NIPSNAP1: variants seen among roughly 807,000 people sequenced by gnomAD.
NIPSNAP1 encodes the protein protein NipSnap homolog 1.
Under a neutral mutation model 49.2 loss-of-function variants are expected in NIPSNAP1, and 25 were observed. The observed-to-expected ratio is 0.51, with a 90% confidence interval of 0.37 to 0.71. The LOEUF (loss-of-function observed/expected upper bound fraction) is 0.71, where lower values mean the gene tolerates loss of function less well. NIPSNAP1 is among the 30% of genes least tolerant of loss of function. The pLI is 0.00. For missense variants in NIPSNAP1, 294 were observed against 361.0 expected, an observed-to-expected ratio of 0.81 and a Z score of 1.50; for synonymous variants, 143 against 140.7, an observed-to-expected ratio of 1.02 and a Z score of -0.12.
At chr22:29,559,538 AAG>A (rs1417765798) in intron 8 of NIPSNAP1, among the ~76,000 whole-genome samples, 9 of 151,568 alleles carry the variant, frequency 5.9e-5, no homozygotes. Context: ...CTGTGTCTCA[AAG>A]AAAAAAAAAA....
chr22:29,557,164 G>A (rs2064301434), intron 9 of NIPSNAP1, among the ~76,000 whole-genome samples: 1 of 151,726 alleles, frequency 6.6e-6, no homozygotes, highest in African/African-American at 2.4e-5. Flanking sequence ...TGTCTTCCAG[G>A]CTGGAGTGCA....
intron 1 of NIPSNAP1, chr22:29,580,100 T>G (rs942534682): frequency 7.7e-7 from 1 of 1,303,992 alleles, no homozygotes; most frequent in African/African-American, 1.5e-5. Flanking sequence ...TGGCCTCACT[T>G]CTTTGGTAAA....
At chr22:29,564,061 T>C (rs1290805962) in intron 4 of NIPSNAP1, among the ~76,000 whole-genome samples, 1 of 152,088 alleles carries the variant, frequency 6.6e-6, no homozygotes, top group Admixed American at 6.6e-5. Context: ...ACCTAATTAA[T>C]TGTGGAGGAG....
intron 8 of NIPSNAP1, among the ~76,000 whole-genome samples, chr22:29,559,468 C>T (rs969075422): frequency 7.2e-5 from 11 of 151,726 alleles, no homozygotes; most frequent in African/African-American, 2.2e-4. Context: ...ACTTGGGAAG[C>T]GGAGGTTGCA....
At chr22:29,573,226 G>T (rs931202116) in intron 1 of NIPSNAP1, among the ~76,000 whole-genome samples, 1 of 151,928 alleles carries the variant, frequency 6.6e-6, no homozygotes, top group Non-Finnish European at 1.5e-5. Context: ...TAGTAGAGAC[G>T]GGGTTTTACT....
chr22:29,578,451 C>T (rs537258937), intron 1 of NIPSNAP1, among the ~76,000 whole-genome samples: 2 of 151,264 alleles, frequency 1.3e-5, no homozygotes, highest in Non-Finnish European at 2.9e-5. Flanking sequence ...GGATTACAGG[C>T]GTGAGCAATG....
At chr22:29,578,715 C>T (rs941674154) in intron 1 of NIPSNAP1, among the ~76,000 whole-genome samples, 1 of 151,232 alleles carries the variant, frequency 6.6e-6, no homozygotes, top group Non-Finnish European at 1.5e-5. Flanking sequence ...TCATAGCAAT[C>T]CTGCCGAAAA....
At chr22:29,568,966 CA>C (rs2064387078) in intron 4 of NIPSNAP1, among the ~76,000 whole-genome samples, 4 of 152,110 alleles carry the variant, frequency 2.6e-5, no homozygotes, top group Admixed American at 2.6e-4. Flanking sequence ...GATTTGGTGC[CA>C]TGAGGCTGGG....
At chr22:29,572,097 G>A (rs1379783187) in intron 1 of NIPSNAP1, among the ~76,000 whole-genome samples, 1 of 152,086 alleles carries the variant, frequency 6.6e-6, no homozygotes, top group South Asian at 2.1e-4. Context: ...GAGGTCAGGA[G>A]TTCGAGACCA....
At chr22:29,571,395 A>C (rs1033319097) in intron 1 of NIPSNAP1, among the ~76,000 whole-genome samples, 2 of 152,236 alleles carry the variant, frequency 1.3e-5, no homozygotes, top group African/African-American at 4.8e-5. Context: ...GCCCATCTCC[A>C]TAGGATACTG....
chr22:29,571,323 T>G (rs1233610402), intron 1 of NIPSNAP1, among the ~76,000 whole-genome samples: 1 of 152,138 alleles, frequency 6.6e-6, no homozygotes. Flanking sequence ...GTTTGGCAGA[T>G]AGAGGGAGTA....
intron 1 of NIPSNAP1, among the ~76,000 whole-genome samples, chr22:29,578,563 C>T (rs1353855654): frequency 6.6e-6 from 1 of 151,300 alleles, no homozygotes; most frequent in Admixed American, 6.6e-5. Flanking sequence ...CTGCTGCTGG[C>T]CCTACTAGTG....
At chr22:29,569,676 C>A (rs2064392997) in intron 3 of NIPSNAP1, among the ~76,000 whole-genome samples, 2 of 36,820 alleles carry the variant, frequency 5.4e-5, no homozygotes, top group East Asian at 5.4e-4. Flanking sequence ...GAGACCATCT[C>A]TTAAAAAAAA....
intron 4 of NIPSNAP1, among the ~76,000 whole-genome samples, chr22:29,564,065 G>A (rs1362958100): frequency 1.3e-5 from 2 of 152,176 alleles, no homozygotes; most frequent in African/African-American, 4.8e-5. Context: ...AATTAATTGT[G>A]GAGGAGAAGA....
chr22:29,572,041 G>A (rs776282440), intron 1 of NIPSNAP1, among the ~76,000 whole-genome samples: 21 of 152,220 alleles, frequency 1.4e-4, no homozygotes, highest in Admixed American at 1.2e-3. Context: ...GATGGCTCAC[G>A]CCTGCAATCC....
At chr22:29,558,595 TAAA>T (rs2064312207) in intron 9 of NIPSNAP1, among the ~76,000 whole-genome samples, 1 of 152,032 alleles carries the variant, frequency 6.6e-6, no homozygotes, top group South Asian at 2.1e-4. Context: ...CTCAGCGAGG[TAAA>T]GAACCGTGCC....
chr22:29,570,302 G>T (rs750207322), intron 2 of NIPSNAP1, 95 bp from the exon 3 acceptor site: 2 of 1,604,554 alleles, frequency 1.2e-6, no homozygotes, highest in Non-Finnish European at 1.7e-6. Flanking sequence ...GGGGTCCCAG[G>T]ACAGCTGAGG....
intron 1 of NIPSNAP1, among the ~76,000 whole-genome samples, chr22:29,577,801 T>G (rs1194582167): frequency 6.7e-6 from 1 of 149,422 alleles, no homozygotes; most frequent in Non-Finnish European, 1.5e-5. Flanking sequence ...GGCGCGATCT[T>G]GGCTCACTGC....
At chr22:29,580,932 C>G in intron 1 of NIPSNAP1, 53 bp downstream of exon 1, 37 of 1,410,546 alleles carry the variant, frequency 2.6e-5, no homozygotes, top group Non-Finnish European at 3.5e-5. Flanking sequence ...CCCTGGCCCC[C>G]GCGCCTGCAC....
Sources: allele counts gnomAD v4.1 joint callset (sites outside exome capture counted in the v4.1 genomes callset), GRCh38; gene constraint gnomAD v4.1.1; transcripts MANE v1.5; gene names NCBI Gene and HGNC (gene_info 2026-07-23, HGNC 2026-07-21).